The following TRMT6 variants were observed in gnomAD, a reference collection of about 807,000 sequenced individuals.
TRMT6 encodes tRNA (adenine(58)-N(1))-methyltransferase non-catalytic subunit TRM6.
Under a neutral mutation model 59.0 loss-of-function variants are expected in TRMT6, and 34 were observed. The ratio of observed to expected loss-of-function variants is 0.58; its 90% CI spans 0.44 to 0.77. TRMT6 has a LOEUF of 0.77. Among genes scored for constraint, TRMT6 ranks in the 30% least tolerant of loss-of-function variants. TRMT6 has a pLI of 0.00. For missense variants in TRMT6, 575 were observed against 604.5 expected (o/e 0.95, Z 0.51); for synonymous variants, 217 against 210.5 (o/e 1.03, Z -0.27).
chr20:5,947,604 A>C (rs963320339), intron 1 of TRMT6, among the ~76,000 whole-genome samples: 1 of 152,234 alleles, frequency 6.6e-6, no homozygotes, highest in Non-Finnish European at 1.5e-5. Flanking sequence ...AGATATGGCC[A>C]ATTCTTGTTA....
chr20:5,947,069 A>G (rs185618647), intron 1 of TRMT6, among the ~76,000 whole-genome samples: 1 of 152,322 alleles, frequency 6.6e-6, no homozygotes, highest in Admixed American at 6.5e-5. Context: ...GCGAGGTGTG[A>G]TTCACACTTT....
chr20:5,942,919 C>T (rs1488755023), intron 6 of TRMT6, 133 bp from the exon 7 acceptor site: 3 of 708,140 alleles, frequency 4.2e-6, no homozygotes, highest in South Asian at 1.8e-5. Flanking sequence ...AAGGATGGTG[C>T]AGCTCCTCAG....
At chr20:5,944,467 A>G (rs1167027255) in intron 3 of TRMT6, among the ~76,000 whole-genome samples, 2 of 152,228 alleles carry the variant, frequency 1.3e-5, no homozygotes, top group Admixed American at 6.5e-5. Context: ...CCAACGTAAA[A>G]GAACAGAGAT....
intron 10 of TRMT6, among the ~76,000 whole-genome samples, chr20:5,939,552 G>A (rs2088638833): frequency 6.6e-6 from 1 of 151,680 alleles, no homozygotes; most frequent in South Asian, 2.1e-4. Flanking sequence ...GGTTTATCTA[G>A]AAACTGAAGC....
At chr20:5,943,733 AT>A in intron 5 of TRMT6, 50 bp from the exon 6 acceptor site, 1 of 1,576,988 alleles carries the variant, frequency 6.3e-7, no homozygotes, top group South Asian at 1.2e-5. Flanking sequence ...AAAGCCTATT[AT>A]TTTAATCATC....
chr20:5,941,390 G>A lies in TRMT6; in HGVS notation c.1113-45C>T, dbSNP rs778709345. 10 of 1,390,852 alleles carry A rather than the reference G, an allele frequency of 7.2e-6. No homozygotes were observed. The Admixed American group carries it at 1.6e-4, about 22-fold the overall frequency. The allele number at this position is 1,390,852 out of a possible 1,614,324, so 86.2% of individuals were successfully genotyped here. Reference sequence around the variant, plus strand: ...CAAATTATTTCTCTACACCCTCAAAGTGGAGCACAGGTTTTAAAATGCATT... The same window carrying A: ...CAAATTATTTCTCTACACCCTCAAAATGGAGCACAGGTTTTAAAATGCATT... On this transcript the variant is annotated intron_variant, in intron 8 of 10. Coordinates refer to ENST00000203001, the MANE Select transcript of TRMT6 (RefSeq NM_015939.5).
Position 5,941,118 on chromosome 20 carries a change from T to G in TRMT6, c.1237A>C (p.Lys413Gln), listed in dbSNP as rs1037279097. 6.2e-7 allele frequency: 1 copy of G among 1,614,216 alleles called. No individual in the cohort carries two copies. Among genetic ancestry groups the G allele is most frequent in the Admixed American group, 1.7e-5 (1 of 60,030 alleles). The change falls in exon 10 of 11, where the codon AAA (lysine) becomes CAA (glutamine). Residue 413 changes from lysine to glutamine, a missense_variant. By Grantham distance (53) the Lys-to-Gln change is moderately conservative (BLOSUM62 1). Coordinates refer to ENST00000203001, the MANE Select transcript of TRMT6 (RefSeq NM_015939.5). The stretch of plus-strand genomic sequence containing the variant: ...ATGACCCCTCCCCTCTCCCGCAGTT[T>G]TGTGTAGCATTCCAACAGAGGCTGC... ...YKEPLLECYT[K>Q]LRERGGVINL...
intron 4 of TRMT6, 55 bp downstream of exon 4, chr20:5,944,107 T>C: frequency 1.5e-6 from 2 of 1,357,818 alleles, no homozygotes; most frequent in South Asian, 2.9e-5. Flanking sequence ...ATGTATATTT[T>C]ATAAACATAT....
At chr20:5,949,451 C>T (rs2088752562) in intron 1 of TRMT6, among the ~76,000 whole-genome samples, 1 of 152,188 alleles carries the variant, frequency 6.6e-6, no homozygotes, top group Non-Finnish European at 1.5e-5. Context: ...TAGGACTTAA[C>T]AACCTCACCA....
At position 5,938,467 on chromosome 20, in the gene TRMT6, G is replaced by A; in HGVS notation, c.*68C>T. On this transcript the variant is annotated 3_prime_UTR_variant, in exon 11 of 11. Coordinates refer to ENST00000203001, the MANE Select transcript of TRMT6 (RefSeq NM_015939.5). ...GGGATATGAAAAAACAAGTAGTAAT[G>A]GCATTTAAAGTTTAATTACTAACTG... 3 of 1,453,538 alleles carry A rather than the reference G, an allele frequency of 2.1e-6. No individual in the cohort carries two copies. The highest frequency in any genetic ancestry group is 2.8e-6 in the Non-Finnish European group (3 of 1,064,948). 90.0% of individuals were successfully genotyped at this position (1,453,538 alleles called of 1,614,324 possible).
chr20:5,938,603 T>G lies in TRMT6; in HGVS notation c.1426A>C (p.Thr476Pro). ...ADTSLKSNAS[T>P]LESHETEEPA... is the part of the protein sequence containing the mutation. Reference sequence around the variant, plus strand: ...TCCTCAGTCTCGTGTGATTCTAAAGTGCTTGCATTAGATTTGAGGCTGGTG... The same window carrying G: ...TCCTCAGTCTCGTGTGATTCTAAAGGGCTTGCATTAGATTTGAGGCTGGTG... The change falls in exon 11 of 11, where the codon ACT (threonine) becomes CCT (proline). Residue 476 changes from threonine (T) to proline (P), a missense_variant. Thr to Pro is a conservative substitution (Grantham distance 38). Coordinates refer to ENST00000203001, the MANE Select transcript of TRMT6 (RefSeq NM_015939.5). 1.2e-6 allele frequency: 2 copies of G among 1,614,252 alleles called. No individual in the cohort carries two copies.
chr20:5,942,410 G>A lies in TRMT6; in HGVS notation c.1026+18C>T. The stretch of plus-strand genomic sequence containing the variant: ...GGACTGAGATTATGGGGGTGGTGGG[G>A]ACTCTTGGCATCCTTACATAATCTT... On this transcript the variant is annotated intron_variant, in intron 7 of 10. Transcript: ENST00000203001. The A allele has an allele frequency of 6.3e-7, 1 of 1,597,804 alleles. No individual in the cohort carries two copies. The highest frequency in any genetic ancestry group is 8.6e-7 in the Non-Finnish European group (1 of 1,165,602).
At position 5,950,294 on chromosome 20, in the gene TRMT6, G is replaced by C. The variant is rs372434874; in HGVS notation, c.112C>G (p.Gln38Glu). 35 of 1,612,470 alleles carry C rather than the reference G, an allele frequency of 2.2e-5. No individual in the cohort carries two copies. Among genetic ancestry groups the C allele is most frequent in the African/African-American group, 4.0e-5 (3 of 74,984 alleles). ...LKREDVFKAV[Q>E]VQRRKKVTFE... ...CTGACTTACTTTCTCCGCTGGACTT[G>C]TACTGCTTTAAACACATCTTCACGT... Residue 38 changes from glutamine (Q) to glutamate (E), a missense_variant, in exon 1 of 11, where the codon CAA becomes GAA. Gln to Glu is a conservative substitution (Grantham distance 29, BLOSUM62 2). Coordinates refer to ENST00000203001, the MANE Select transcript of TRMT6 (RefSeq NM_015939.5).
chr20:5,948,351 T>A (rs146426084), intron 1 of TRMT6, among the ~76,000 whole-genome samples: 2 of 152,286 alleles, frequency 1.3e-5, no homozygotes, highest in African/African-American at 4.8e-5. Flanking sequence ...TCAGAGAGCC[T>A]GGACTGTTTT....
intron 1 of TRMT6, among the ~76,000 whole-genome samples, chr20:5,949,389 T>C (rs2088750848): frequency 1.3e-5 from 2 of 152,070 alleles, no homozygotes; most frequent in Non-Finnish European, 2.9e-5. Context: ...GTTGTATTTC[T>C]CAGATAAATT....
In TRMT6 at chr20:5,943,682, G is replaced by A; in HGVS notation, c.544C>T (p.His182Tyr). 1 of 1,610,930 alleles carries A rather than the reference G, an allele frequency of 6.2e-7. No individual in the cohort carries two copies. Among genetic ancestry groups the A allele is most frequent in the South Asian group, 1.1e-5 (1 of 90,126 alleles). ...YYAREPGKIN[H>Y]MRYDTLAQML... ...TGGGCTAGTGTATCGTATCTCATGT[G>A]GCTAAAGTAAAAACAATAATTTGTT... Residue 182 changes from histidine (H) to tyrosine (Y), a missense_variant and splice_region_variant, in exon 6 of 11, where the codon CAC becomes TAC. Transcript: ENST00000203001.
intron 1 of TRMT6, among the ~76,000 whole-genome samples, chr20:5,948,027 G>A (rs907085919): frequency 2.0e-5 from 3 of 152,124 alleles, no homozygotes; most frequent in African/African-American, 7.2e-5. Context: ...AGGCTGAGGT[G>A]GAAGATTGCT....
intron 8 of TRMT6, chr20:5,941,658 T>C (rs1484974868): frequency 7.3e-6 from 4 of 548,660 alleles, no homozygotes; most frequent in African/African-American, 3.8e-5. Flanking sequence ...ATATCTGTTA[T>C]AGCCTGTATC....
At chr20:5,941,425 C>A (rs2088655155) in intron 8 of TRMT6, 80 bp from the exon 9 acceptor site, 2 of 1,007,500 alleles carry the variant, frequency 2.0e-6, no homozygotes, top group South Asian at 2.8e-5. Context: ...TTAAAATGAT[C>A]ATGTATTTAA....
Sources: gnomAD v4.1 joint callset for allele counts (sites outside exome capture counted in the v4.1 genomes callset) on GRCh38, gnomAD v4.1.1 for gene constraint, MANE v1.5 for transcripts, NCBI Gene and HGNC (gene_info 2026-07-23, HGNC 2026-07-21) for gene names.